Variants in SPDYE18 observed in about 807,000 individuals in gnomAD.
The protein encoded by SPDYE18 is speedy/RINGO cell cycle regulator family member E18.
A neutral mutation model predicts 44.9 loss-of-function variants in SPDYE18; 6 were observed. That is an observed-to-expected ratio of 0.13 (90% CI 0.07 to 0.26). The LOEUF (loss-of-function observed/expected upper bound fraction) is 0.26, where lower values mean the gene tolerates loss of function less well. Ranked by LOEUF, SPDYE18 falls within the 10% of genes least tolerant of loss-of-function variation. SPDYE18 has a pLI of 1.00. For missense variants in SPDYE18, 121 were observed against 463.2 expected, an observed-to-expected ratio of 0.26 and a Z score of 6.78; for synonymous variants, 35 against 177.1, an observed-to-expected ratio of 0.20 and a Z score of 6.37.
rs1789802639 is a variant in SPDYE18 at position 77,051,715 on chromosome 7, G to A, written c.*210C>T. Among the ~76,000 whole-genome samples, 2 of 120,628 alleles carry A rather than the reference G, an allele frequency of 1.7e-5. No homozygotes were observed. Among genetic ancestry groups the A allele is most frequent in the South Asian group, 4.9e-4 (2 of 4,122 alleles). 79.1% of individuals were successfully genotyped at this position (120,628 alleles called of 152,430 possible). ...ACCCCACCCCCCTCCCCCCACCCCT[G>A]CTCCCAGGAGGACAACGTGATCACT... is the stretch of plus-strand genomic sequence containing the variant. On this transcript the variant is annotated 3_prime_UTR_variant, in exon 9 of 9. Coordinates refer to ENST00000510091, the MANE Select transcript of SPDYE18 (RefSeq NM_001394953.1).
rs1218625376 is a variant in SPDYE18, at chr7:77,060,433, T to C, written c.80A>G (p.Gln27Arg). ...KITTSRQPHPQNEQSLQRSTS... is the reference protein window; with the variant it reads ...KITTSRQPHPRNEQSLQRSTS... Reference sequence around the variant, plus strand: ...GCTCCGCTGGAGACTCTGCTCATTCTGGGGGTGCGGTTGACGGCTGGTCGT... The same window carrying C: ...GCTCCGCTGGAGACTCTGCTCATTCCGGGGGTGCGGTTGACGGCTGGTCGT... The change falls in exon 2 of 9, where the codon CAG becomes CGG. Residue 27 changes from glutamine (Q) to arginine (R), a missense_variant. Physicochemically the swap from Gln to Arg is conservative, Grantham distance 43. Transcript: ENST00000510091. 2.0e-6 allele frequency: 3 copies of C among 1,535,388 alleles called. No individual in the cohort carries two copies. The highest frequency in any genetic ancestry group is 2.4e-5 in the South Asian group (2 of 83,972).
rs1203261822 is a variant in SPDYE18 at position 77,050,745 on chromosome 7, A to G, written c.*1180T>C. Among the ~76,000 whole-genome samples the G allele has an allele frequency of 1.3e-5, 2 of 152,126 alleles. No homozygotes were observed. Among genetic ancestry groups the G allele is most frequent in the Non-Finnish European group, 2.9e-5 (2 of 68,010 alleles). The stretch of plus-strand genomic sequence containing the variant: ...TTGAAAGGTAAAAGATTTAGGATGA[A>G]AAGAATCCTCTCTTAAAAAGGAAAA... On this transcript the variant is annotated 3_prime_UTR_variant, in exon 9 of 9. Transcript: ENST00000510091.
chr7:77,059,646 C>T (rs1173493407), intron 2 of SPDYE18, among the ~76,000 whole-genome samples: 1 of 151,378 alleles, frequency 6.6e-6, no homozygotes, highest in Non-Finnish European at 1.5e-5. Context: ...TGAGTCCCTC[C>T]TTTTTTGTTT....
At chr7:77,052,644 G>A in intron 8 of SPDYE18, 89 bp downstream of exon 8, 1 of 1,568,522 alleles carries the variant, frequency 6.4e-7, no homozygotes, top group Non-Finnish European at 8.6e-7. Flanking sequence ...ACGTTGCCCA[G>A]GCTTGAAGCC....
At chr7:77,057,113 CAG>C (rs1789936365) in intron 4 of SPDYE18, among the ~76,000 whole-genome samples, 1 of 152,286 alleles carries the variant, frequency 6.6e-6, no homozygotes, top group Non-Finnish European at 1.5e-5. Flanking sequence ...TATTTTGAGA[CAG>C]AGTCTTGCTC....
chr7:77,054,807 A>C, intron 6 of SPDYE18, among the ~76,000 whole-genome samples: 1 of 149,736 alleles, frequency 6.7e-6, no homozygotes, highest in Non-Finnish European at 1.5e-5. Context: ...TCACTCTGTC[A>C]CCCAGGCTGG....
chr7:77,050,691 A>G lies in SPDYE18; in HGVS notation c.*1234T>C, dbSNP rs1394296511. Among the ~76,000 whole-genome samples, 687 of 151,332 alleles carry G rather than the reference A, an allele frequency of 4.5e-3. No individual in the cohort carries two copies. The highest frequency in any genetic ancestry group is 0.015 in the African/African-American group (611 of 40,816). On this transcript the variant is annotated 3_prime_UTR_variant, in exon 9 of 9. Coordinates refer to ENST00000510091, the MANE Select transcript of SPDYE18 (RefSeq NM_001394953.1). ...CACAGATAAAAACCATGCTCCCTTC[A>G]GCAGCACGTGTAATAATAGATACAA...
At position 77,060,146 on chromosome 7, in the gene SPDYE18, C is replaced by T. The variant is rs1191495399; in HGVS notation, c.160+207G>A. On this transcript the variant is annotated intron_variant, in intron 2 of 8. Coordinates refer to ENST00000510091, the MANE Select transcript of SPDYE18 (RefSeq NM_001394953.1). Reference sequence around the variant, plus strand: ...GAGTAGCTGGGATTACAGGTGTGCACCACTACCACTTGACTACTTTTTATA... The same window carrying T: ...GAGTAGCTGGGATTACAGGTGTGCATCACTACCACTTGACTACTTTTTATA... Among the ~76,000 whole-genome samples the T allele has an allele frequency of 1.5e-3, 227 of 150,202 alleles. 1 individual carries two copies. Among genetic ancestry groups the T allele is most frequent in the Non-Finnish European group, 2.7e-3 (183 of 67,698 alleles).
rs1284837078 is a variant in SPDYE18, at chr7:77,050,720, T to C, written c.*1205A>G. Among the ~76,000 whole-genome samples the C allele has an allele frequency of 7.3e-5, 11 of 150,400 alleles. No individual in the cohort carries two copies. The highest frequency in any genetic ancestry group is 1.7e-4 in the African/African-American group (7 of 41,384). On this transcript the variant is annotated 3_prime_UTR_variant, in exon 9 of 9. Transcript: ENST00000510091. ...GCACGTGTAATAATAGATACAAAGA[T>C]TGAAAGGTAAAAGATTTAGGATGAA...
intron 6 of SPDYE18, among the ~76,000 whole-genome samples, chr7:77,053,533 G>A (rs555948081): frequency 3.3e-5 from 5 of 152,376 alleles, no homozygotes; most frequent in South Asian, 2.1e-4. Context: ...CAAGACCCTC[G>A]TCTCTATTAA....
intron 8 of SPDYE18, among the ~76,000 whole-genome samples, chr7:77,052,442 T>C (rs1342757360): frequency 2.0e-5 from 3 of 152,010 alleles, no homozygotes; most frequent in Non-Finnish European, 4.4e-5. Flanking sequence ...TCAGTATTTA[T>C]GATTATTTTT....
At position 77,051,031 on chromosome 7, in the gene SPDYE18, C is replaced by A. The variant is rs2117308030; in HGVS notation, c.*894G>T. ...GACGTGTTAGTATATATATCTGAGA[C>A]ATGTTAAAAATCACAACTGAATTCT... is the stretch of plus-strand genomic sequence containing the variant. On this transcript the variant is annotated 3_prime_UTR_variant, in exon 9 of 9. Transcript: ENST00000510091. Among the ~76,000 whole-genome samples, 1 of 151,960 alleles carries A rather than the reference C, an allele frequency of 6.6e-6. No homozygotes were observed. The highest frequency in any genetic ancestry group is 2.4e-5 in the African/African-American group (1 of 41,584).
Position 77,053,195 on chromosome 7 carries a change from G to A in SPDYE18, c.764C>T (p.Ala255Val), listed in dbSNP as rs1431208578. ...CTCGTCGTCCTCCTCCATGTCATTGGCCAGGTAGCTGAGGACAGAAATCAG... is the reference window on the plus strand; with the variant it reads ...CTCGTCGTCCTCCTCCATGTCATTGACCAGGTAGCTGAGGACAGAAATCAG... The part of the protein sequence containing the change: ...RIHFFLALYL[A>V]NDMEEDDEDP... Residue 255 changes from alanine to valine, a missense_variant, in exon 7 of 9, where the codon GCC becomes GTC. Transcript: ENST00000510091. The A allele has an allele frequency of 6.2e-7, 1 of 1,613,320 alleles. No homozygotes were observed. The highest frequency in any genetic ancestry group is 1.3e-5 in the African/African-American group (1 of 74,858).
intron 4 of SPDYE18, among the ~76,000 whole-genome samples, chr7:77,057,276 G>C (rs1208046099): frequency 1.3e-5 from 2 of 151,542 alleles, no homozygotes; most frequent in African/African-American, 4.8e-5. Flanking sequence ...TTTTGAGACA[G>C]GGTTTTGCTC....
chr7:77,060,601 G>A lies in SPDYE18; in HGVS notation c.-89C>T. 2 of 1,528,438 alleles carry A rather than the reference G, an allele frequency of 1.3e-6. No individual in the cohort carries two copies. Among genetic ancestry groups the A allele is most frequent in the Non-Finnish European group, 1.8e-6 (2 of 1,142,646 alleles). The allele number at this position is 1,528,438 out of a possible 1,614,324, so 94.7% of individuals were successfully genotyped here. On this transcript the variant is annotated 5_prime_UTR_variant, in exon 2 of 9. Coordinates refer to ENST00000510091, the MANE Select transcript of SPDYE18 (RefSeq NM_001394953.1). ...AGTCAGGAGTGGAGAACAGCTCTGA[G>A]AAGATACTGTTGTCCAACTGATCTC...
At position 77,060,532 on chromosome 7, in the gene SPDYE18, C is replaced by T; in HGVS notation, c.-20G>A. 1.3e-6 allele frequency: 2 copies of T among 1,534,964 alleles called. No homozygotes were observed. Among genetic ancestry groups the T allele is most frequent in the East Asian group, 2.4e-5 (1 of 40,914 alleles). On this transcript the variant is annotated 5_prime_UTR_variant, in exon 2 of 9. Coordinates refer to ENST00000510091, the MANE Select transcript of SPDYE18 (RefSeq NM_001394953.1). ...GTCCATGGCCTTCTTCTGGACACTG[C>T]TAGGATCCAGAAGAGTATGTTATCA...
intron 2 of SPDYE18, 23 bp downstream of exon 2, chr7:77,060,330 T>C: frequency 6.5e-7 from 1 of 1,535,034 alleles, no homozygotes; most frequent in East Asian, 2.4e-5. Flanking sequence ...CTATCCCACC[T>C]CTTCTTCCAC....
Position 77,062,059 on chromosome 7 carries a change from C to T in SPDYE18, c.-422+437G>A, listed in dbSNP as rs552625971. On this transcript the variant is annotated intron_variant, in intron 1 of 8. Transcript: ENST00000510091. ...TGGAGAATCACTTGAACTCATGGTGCGCAGGTTGCAGGGAGCCAAGATCGC... is the reference window on the plus strand; with the variant it reads ...TGGAGAATCACTTGAACTCATGGTGTGCAGGTTGCAGGGAGCCAAGATCGC... Among the ~76,000 whole-genome samples the T allele has an allele frequency of 7.5e-4, 102 of 136,106 alleles. 3 individuals are homozygous for T. The highest frequency in any genetic ancestry group is 2.5e-3 in the African/African-American group (95 of 38,224). 89.3% of individuals were successfully genotyped at this position (136,106 alleles called of 152,430 possible).
chr7:77,052,973 T>A lies in SPDYE18; in HGVS notation c.986A>T (p.Glu329Val). Residue 329 changes from glutamate (E) to valine (V), a missense_variant, in exon 7 of 9, where the codon GAG becomes GTG. By Grantham distance (121) the Glu-to-Val change is moderately radical. Transcript: ENST00000510091. ...SMSGRAWVSR[E>V]ELEEIQAYDP... ...GGCCCCACTCACCTCCTCCAACTCCTCCCGGGAAACCCAAGCCCTGCCGCT... is the reference window on the plus strand; with the variant it reads ...GGCCCCACTCACCTCCTCCAACTCCACCCGGGAAACCCAAGCCCTGCCGCT... 3 of 1,599,612 alleles carry A rather than the reference T, an allele frequency of 1.9e-6. No individual in the cohort carries two copies. The East Asian group carries it at 6.9e-5, about 37-fold the overall frequency.
Sources: allele counts gnomAD v4.1 joint callset (sites outside exome capture counted in the v4.1 genomes callset), GRCh38; gene constraint gnomAD v4.1.1; transcripts MANE v1.5; gene names NCBI Gene and HGNC (gene_info 2026-07-23, HGNC 2026-07-21).